NDRG3: variants seen among roughly 807,000 people sequenced by gnomAD.
NDRG3 encodes the protein NDRG family member 3.
Under a neutral mutation model 57.2 loss-of-function variants are expected in NDRG3, and 23 were observed. The ratio of observed to expected loss-of-function variants is 0.40; its 90% CI spans 0.29 to 0.57. NDRG3 has a LOEUF of 0.57. NDRG3 is among the 20% of genes least tolerant of loss of function. NDRG3 has a pLI of 0.42. For synonymous variants in NDRG3, 132 were observed against 162.6 expected, an observed-to-expected ratio of 0.81 and a Z score of 1.43; for missense variants, 384 against 457.3, an observed-to-expected ratio of 0.84 and a Z score of 1.46.
chr20:36,684,415 T>G lies in NDRG3; in HGVS notation c.381A>C (p.Leu127=). 1 of 1,612,634 alleles carries G rather than the reference T, an allele frequency of 6.2e-7. No homozygotes were observed. The highest frequency in any genetic ancestry group is 8.5e-7 in the Non-Finnish European group (1 of 1,178,732). The change falls in exon 6 of 16, where the codon CTA becomes CTC. Residue 127 remains leucine, a splice_region_variant and synonymous_variant. Coordinates refer to ENST00000349004, the MANE Select transcript of NDRG3 (RefSeq NM_032013.4). ...GAAAGACTGCAGAATGAACCTACCT[T>G]AGGTGGGTAAGAACAGGAGGCAGCA... ...AEMLPPVLTH[L]SLKSIIGIGV...
intron 3 of NDRG3, among the ~76,000 whole-genome samples, chr20:36,695,875 C>T (rs1425327313): frequency 6.6e-6 from 1 of 152,084 alleles, no homozygotes; most frequent in Non-Finnish European, 1.5e-5. Context: ...CGTATACTCC[C>T]TCCCCTTTGA....
At position 36,721,698 on chromosome 20, in the gene NDRG3, T is replaced by G. The variant is rs1282355066; in HGVS notation, c.38A>C (p.Lys13Thr). ...ELQDVQLTEI[K>T]PLLNDKNGTR... ...CTTTACCTTATCATTTAGAAGTGGT[T>G]TGATCTCTGTGAGCTGAACATCCTG... The change falls in exon 2 of 16, where the codon AAA becomes ACA. Residue 13 changes from lysine to threonine, a missense_variant. Physicochemically the swap from Lys to Thr is moderately conservative, Grantham distance 78. Coordinates refer to ENST00000349004, the MANE Select transcript of NDRG3 (RefSeq NM_032013.4). The G allele has an allele frequency of 6.2e-7, 1 of 1,610,436 alleles. No individual in the cohort carries two copies. The highest frequency in any genetic ancestry group is 2.2e-5 in the East Asian group (1 of 44,866).
At chr20:36,676,816 T>C (rs1980762525) in intron 8 of NDRG3, among the ~76,000 whole-genome samples, 1 of 152,252 alleles carries the variant, frequency 6.6e-6, no homozygotes, top group South Asian at 2.1e-4. Flanking sequence ...TGGCAGTGGC[T>C]GCTGCCATCA....
At chr20:36,660,926 T>C (rs994194284) in intron 12 of NDRG3, among the ~76,000 whole-genome samples, 17 of 152,232 alleles carry the variant, frequency 1.1e-4, no homozygotes, top group Non-Finnish European at 1.8e-4. Context: ...ACTTATCTAA[T>C]TTTCTGAATC....
At chr20:36,660,518 C>A in intron 12 of NDRG3, 134 bp from the exon 13 acceptor site, 1 of 410,914 alleles carries the variant, frequency 2.4e-6, no homozygotes, top group Non-Finnish European at 4.4e-6. Flanking sequence ...AAGAGATTAC[C>A]AAAATACATA....
At position 36,725,518 on chromosome 20, in the gene NDRG3, C is replaced by T. The variant is rs367572693; in HGVS notation, c.-48-3735G>A. On this transcript the variant is annotated intron_variant, in intron 1 of 15. Coordinates refer to ENST00000349004, the MANE Select transcript of NDRG3 (RefSeq NM_032013.4). The stretch of plus-strand genomic sequence containing the variant: ...TCGGGAGGCTGAGGCAGGAGAATCG[C>T]TTGAGCCTGGGAGGCAGAAGTTGCA... Among the ~76,000 whole-genome samples the T allele has an allele frequency of 4.7e-5, 7 of 150,164 alleles. No homozygotes were observed. The South Asian group carries it at 8.4e-4, about 18-fold the overall frequency.
intron 3 of NDRG3, among the ~76,000 whole-genome samples, chr20:36,704,722 T>G (rs1983443203): frequency 6.6e-6 from 1 of 152,210 alleles, no homozygotes; most frequent in Non-Finnish European, 1.5e-5. Flanking sequence ...GTATCAGCAC[T>G]AGGCTGATAA....
intron 3 of NDRG3, among the ~76,000 whole-genome samples, chr20:36,703,449 TC>T (rs1983367715): frequency 6.6e-6 from 1 of 151,654 alleles, no homozygotes. Context: ...TATCTATCTA[TC>T]TATCTATCTA....
At chr20:36,709,279 T>C (rs1983734193) in intron 2 of NDRG3, among the ~76,000 whole-genome samples, 1 of 152,196 alleles carries the variant, frequency 6.6e-6, no homozygotes. Context: ...ACAGAACATT[T>C]CCATGACTGC....
chr20:36,675,992 G>A (rs1980660260), intron 8 of NDRG3, among the ~76,000 whole-genome samples: 1 of 152,140 alleles, frequency 6.6e-6, no homozygotes, highest in African/African-American at 2.4e-5. Flanking sequence ...TGTAATCCCA[G>A]CACTTTGGGA....
intron 1 of NDRG3, among the ~76,000 whole-genome samples, chr20:36,740,661 C>T (rs1985886217): frequency 6.6e-6 from 1 of 152,124 alleles, no homozygotes; most frequent in Non-Finnish European, 1.5e-5. Flanking sequence ...TTATTTACAA[C>T]TGATAAAATG....
chr20:36,744,595 C>A (rs906943655), intron 1 of NDRG3, among the ~76,000 whole-genome samples: 1 of 151,854 alleles, frequency 6.6e-6, no homozygotes, highest in Non-Finnish European at 1.5e-5. Flanking sequence ...TTTAGTGGAG[C>A]CTTTGAAATG....
At chr20:36,700,885 T>C in intron 3 of NDRG3, among the ~76,000 whole-genome samples, 1 of 152,088 alleles carries the variant, frequency 6.6e-6, no homozygotes, top group Non-Finnish European at 1.5e-5. Context: ...ATGATCCTCC[T>C]ACCTCAGCCC....
chr20:36,684,547 G>GT, intron 5 of NDRG3, 72 bp from the exon 6 acceptor site: 1 of 1,345,924 alleles, frequency 7.4e-7, no homozygotes, highest in Non-Finnish European at 1.1e-6. Context: ...AGCTGGAAAG[G>GT]TCCAGAAGTC....
At chr20:36,738,796 C>T (rs1276478704) in intron 1 of NDRG3, among the ~76,000 whole-genome samples, 2 of 143,482 alleles carry the variant, frequency 1.4e-5, no homozygotes, top group Non-Finnish European at 3.0e-5. Flanking sequence ...GCACTCCAGC[C>T]TGGACCACAG....
chr20:36,684,327 A>C lies in NDRG3; in HGVS notation c.383+86T>G, dbSNP rs940596037. 11 of 1,117,854 alleles carry C rather than the reference A, an allele frequency of 9.8e-6. No homozygotes were observed. In the Admixed American group the frequency reaches 1.5e-4, roughly 15 times the overall value. 69.2% of individuals were successfully genotyped at this position (1,117,854 alleles called of 1,614,324 possible). On this transcript the variant is annotated intron_variant, in intron 6 of 15. Coordinates refer to ENST00000349004, the MANE Select transcript of NDRG3 (RefSeq NM_032013.4). ...GAGGACAGTGATAATATTTTTCCTAACCATCATATCCTCTGAAACAGACAC... is the reference window on the plus strand; with the variant it reads ...GAGGACAGTGATAATATTTTTCCTACCCATCATATCCTCTGAAACAGACAC...
chr20:36,671,372 A>C lies in NDRG3; in HGVS notation c.557T>G (p.Val186Gly), dbSNP rs767356900. ...SKLSGLTTNV[V>G]DIILAHHFGQ... ...AAAGTGATGAGCCAAAATAATGTCC[A>C]CAACATTGGTTGTCAGGCCAGAGAG... The change falls in exon 9 of 16, where the codon GTG (valine) becomes GGG (glycine). Residue 186 changes from valine to glycine, a missense_variant. Coordinates refer to ENST00000349004, the MANE Select transcript of NDRG3 (RefSeq NM_032013.4). 1.2e-5 allele frequency: 19 copies of C among 1,613,910 alleles called. No homozygotes were observed. The highest frequency in any genetic ancestry group is 1.6e-5 in the Non-Finnish European group (19 of 1,179,904).
intron 2 of NDRG3, among the ~76,000 whole-genome samples, chr20:36,711,065 G>A (rs986596691): frequency 4.0e-5 from 6 of 150,654 alleles, no homozygotes; most frequent in African/African-American, 1.5e-4. Flanking sequence ...TGGATCACGA[G>A]GTCAAGAGAT....
chr20:36,710,809 T>C (rs1482570224), intron 2 of NDRG3, among the ~76,000 whole-genome samples: 1 of 124,350 alleles, frequency 8.0e-6, no homozygotes, highest in East Asian at 2.7e-4. Flanking sequence ...TGAGACTCCG[T>C]CTCAAAAAAA....
Sources: allele counts gnomAD v4.1 joint callset (sites outside exome capture counted in the v4.1 genomes callset), GRCh38; gene constraint gnomAD v4.1.1; transcripts MANE v1.5; gene names NCBI Gene and HGNC (gene_info 2026-07-23, HGNC 2026-07-21).